The following PXDN variants were observed in gnomAD, a reference collection of about 807,000 sequenced individuals.
The protein encoded by PXDN is peroxidasin.
Under a neutral mutation model 140.3 loss-of-function variants are expected in PXDN, and 77 were observed. The ratio of observed to expected loss-of-function variants is 0.55; its 90% CI spans 0.46 to 0.66. The LOEUF is 0.66. Ranked by LOEUF, PXDN falls within the 30% of genes least tolerant of loss-of-function variation. PXDN has a pLI of 0.00. For synonymous variants in PXDN, 911 were observed against 857.4 expected (o/e 1.06, Z -1.09); for missense variants, 1,838 against 2,039.5 (o/e 0.90, Z 1.90).
intron 1 of PXDN, among the ~76,000 whole-genome samples, chr2:1,698,088 G>A (rs146335693): frequency 3.1e-4 from 47 of 152,314 alleles, no homozygotes; most frequent in Admixed American, 7.8e-4. Context: ...CTGGGTAAGC[G>A]TGAGGGGTGC....
At chr2:1,710,993 C>T (rs1391673662) in intron 1 of PXDN, among the ~76,000 whole-genome samples, 7 of 100,060 alleles carry the variant, frequency 7.0e-5, no homozygotes, top group South Asian at 4.9e-4. Context: ...TCCACCAGCA[C>T]CCACTCCACC....
At chr2:1,726,372 T>G (rs1245447436) in intron 1 of PXDN, among the ~76,000 whole-genome samples, 139 of 134,296 alleles carry the variant, frequency 1.0e-3, no homozygotes, top group Non-Finnish European at 1.4e-3. Context: ...GGTGGGAATT[T>G]AACAATGAGA....
chr2:1,675,951 G>A (rs769328501), intron 8 of PXDN, among the ~76,000 whole-genome samples: 2 of 152,194 alleles, frequency 1.3e-5, no homozygotes, highest in Non-Finnish European at 2.9e-5. Flanking sequence ...TTCAGAAGCT[G>A]TCCTCACGCA....
chr2:1,683,690 C>T lies in PXDN; in HGVS notation c.526G>A (p.Gly176Arg), dbSNP rs765497961. The change falls in exon 6 of 23, where the codon GGG becomes AGG. Residue 176 changes from glycine to arginine, a missense_variant. By Grantham distance (125) the Gly-to-Arg change is moderately radical. This residue lies in a region of PXDN where 208 missense variants were observed against 325.8 expected (regional missense o/e 0.64). Coordinates refer to ENST00000252804, the MANE Select transcript of PXDN (RefSeq NM_012293.3). ...HNNRITHLVPGTFNHLESMKR... is the reference protein window; with the variant it reads ...HNNRITHLVPRTFNHLESMKR... ...ATAGATTCCAAGTGATTAAATGTCCCTGGAACTAAATGTGTAATCCGGTTG... is the reference window on the plus strand; with the variant it reads ...ATAGATTCCAAGTGATTAAATGTCCTTGGAACTAAATGTGTAATCCGGTTG... The T allele has an allele frequency of 6.2e-7, 1 of 1,608,088 alleles. No homozygotes were observed. The highest frequency in any genetic ancestry group is 1.7e-5 in the Admixed American group (1 of 58,742).
Position 1,639,927 on chromosome 2 carries a change from T to C in PXDN, c.3953-505A>G, listed in dbSNP as rs535920617. On this transcript the variant is annotated intron_variant, in intron 19 of 22. Coordinates refer to ENST00000252804, the MANE Select transcript of PXDN (RefSeq NM_012293.3). The surrounding 1 kb of genome is among the most constrained non-coding windows in gnomAD (Gnocchi z 5.0). ...CCTGAATGTAGCCCAAACACCTCCC[T>C]GCCTAGGAGTGGCTTCCTTCTCAAC... 6.6e-6 allele frequency among the ~76,000 whole-genome samples: 1 copy of C among 152,232 alleles called. No homozygotes were observed. The highest frequency in any genetic ancestry group is 2.4e-5 in the African/African-American group (1 of 41,470).
chr2:1,706,784 G>C (rs75372340), intron 1 of PXDN, among the ~76,000 whole-genome samples: 7 of 73,032 alleles, frequency 9.6e-5, no homozygotes, highest in South Asian at 4.2e-4. Flanking sequence ...GCACACTTCA[G>C]TGATCACCAA....
At chr2:1,645,731 G>A (rs142313870) in intron 17 of PXDN, among the ~76,000 whole-genome samples, 10 of 152,284 alleles carry the variant, frequency 6.6e-5, no homozygotes, top group South Asian at 2.1e-4. Context: ...AAACTTGGTC[G>A]GGAGGACCCT....
chr2:1,678,933 G>A (rs1241234067), intron 7 of PXDN, among the ~76,000 whole-genome samples: 1 of 152,172 alleles, frequency 6.6e-6, no homozygotes, highest in African/African-American at 2.4e-5. Flanking sequence ...CCACCAGGCC[G>A]GCGCTCAGTT....
chr2:1,690,088 TCACA>T (rs1684152083), intron 3 of PXDN, among the ~76,000 whole-genome samples: 1 of 152,222 alleles, frequency 6.6e-6, no homozygotes, highest in African/African-American at 2.4e-5. Flanking sequence ...CATTTAACTC[TCACA>T]CAGTTTCCTA....
chr2:1,708,570 G>A (rs543290580), intron 1 of PXDN, among the ~76,000 whole-genome samples: 1 of 152,132 alleles, frequency 6.6e-6, no homozygotes, highest in Non-Finnish European at 1.5e-5. Context: ...CCTGACCCAC[G>A]ATGGCAGAGG....
chr2:1,681,200 C>A (rs996007929), intron 6 of PXDN, among the ~76,000 whole-genome samples: 1 of 152,086 alleles, frequency 6.6e-6, no homozygotes, highest in Non-Finnish European at 1.5e-5. Context: ...GTGCCATTTG[C>A]GGCGGGGAGA....
At chr2:1,656,779 A>G (rs924760329) in intron 14 of PXDN, among the ~76,000 whole-genome samples, 2 of 128,638 alleles carry the variant, frequency 1.6e-5, no homozygotes, top group African/African-American at 6.1e-5. Context: ...CCCTCCTGAC[A>G]GGAACCTGCC....
At chr2:1,650,430 T>C (rs755023502) in intron 16 of PXDN, among the ~76,000 whole-genome samples, 1 of 152,164 alleles carries the variant, frequency 6.6e-6, no homozygotes, top group Non-Finnish European at 1.5e-5. Context: ...CTTTGCCCAC[T>C]AGCTACAGAA....
At position 1,653,662 on chromosome 2, in the gene PXDN, T is replaced by C. The variant is rs1213981437; in HGVS notation, c.2070A>G (p.Val690=). 6.2e-7 allele frequency: 1 copy of C among 1,612,732 alleles called. No individual in the cohort carries two copies. Among genetic ancestry groups the C allele is most frequent in the African/African-American group, 1.3e-5 (1 of 75,018 alleles). ...TGAGGTCGACCATCAAGCCATGCTGTACATGCTCCTGAATGAGCTGCAATG... is the reference window on the plus strand; with the variant it reads ...TGAGGTCGACCATCAAGCCATGCTGCACATGCTCCTGAATGAGCTGCAATG... ...ERTLQLIQEH[V]QHGLMVDLNG... is the part of the protein sequence containing the mutation. The change falls in exon 16 of 23, where the codon GTA becomes GTG. Residue 690 remains valine (V), a synonymous_variant. Transcript: ENST00000252804.
intron 1 of PXDN, among the ~76,000 whole-genome samples, chr2:1,725,015 C>A (rs1284823285): frequency 6.6e-6 from 1 of 152,170 alleles, no homozygotes; most frequent in African/African-American, 2.4e-5. Flanking sequence ...ATGCTCCATC[C>A]ATTTGTTTCT....
At chr2:1,634,442 C>A in intron 22 of PXDN, 119 bp from the exon 23 acceptor site, 1 of 1,265,988 alleles carries the variant, frequency 7.9e-7, no homozygotes, top group Non-Finnish European at 1.1e-6. Flanking sequence ...GCCCTGAGGC[C>A]CCTGCCTTGC....
At chr2:1,663,864 C>T (rs752014867) in intron 11 of PXDN, 101 bp from the exon 12 acceptor site, 52 of 1,467,518 alleles carry the variant, frequency 3.5e-5, no homozygotes, top group Non-Finnish European at 3.8e-5. Flanking sequence ...CCACCTGGGT[C>T]GGGGCGCCGG....
chr2:1,657,871 C>CGTT (rs1683184460), intron 14 of PXDN, among the ~76,000 whole-genome samples: 1 of 148,064 alleles, frequency 6.8e-6, no homozygotes, highest in African/African-American at 2.6e-5. Flanking sequence ...AAGGACGTGC[C>CGTT]CCCTCCTGAC....
intron 9 of PXDN, among the ~76,000 whole-genome samples, chr2:1,670,752 C>T (rs1344704581): frequency 6.6e-6 from 1 of 152,164 alleles, no homozygotes; most frequent in Admixed American, 6.5e-5. Context: ...CAGATCAACA[C>T]AGGCCCATGA....
Sources: allele counts gnomAD v4.1 joint callset (sites outside exome capture counted in the v4.1 genomes callset), GRCh38; gene constraint gnomAD v4.1.1; regional missense constraint gnomAD v4.1.1; non-coding constraint Gnocchi (gnomAD v3.1); transcripts MANE v1.5; gene names NCBI Gene and HGNC (gene_info 2026-07-23, HGNC 2026-07-21).